GRM7: variants seen among roughly 807,000 people sequenced by gnomAD.
GRM7 encodes glutamate metabotropic receptor 7.
A neutral mutation model predicts 84.5 loss-of-function variants in GRM7; 35 were observed. The observed-to-expected ratio is 0.41, with a 90% CI of 0.32 to 0.55. GRM7 has a LOEUF of 0.55. Ranked by LOEUF, GRM7 falls within the 20% of genes least tolerant of loss-of-function variation. The pLI is 0.19. For synonymous variants in GRM7, 487 were observed against 455.1 expected, an observed-to-expected ratio of 1.07 and a Z score of -0.89; for missense variants, 1,003 against 1,194.6, an observed-to-expected ratio of 0.84 and a Z score of 2.36.
chr3:6,992,931 A>G (rs1300466204), intron 1 of GRM7, among the ~76,000 whole-genome samples: 3 of 152,238 alleles, frequency 2.0e-5, no homozygotes, highest in Non-Finnish European at 4.4e-5. Flanking sequence ...AAGATAGGAG[A>G]GAGACCTGAG....
rs183386190 is a variant in GRM7 at position 7,143,723 on chromosome 3, A to C, written c.520-2729A>C. Among the ~76,000 whole-genome samples the C allele has an allele frequency of 3.0e-4, 46 of 152,260 alleles. No individual in the cohort carries two copies. In the East Asian group the frequency reaches 6.0e-3, roughly 20 times the overall value. ...CAAATTCAAGGAGAGGGCTGGATGTATCTTTATTAGCACCCTTTCAAAGGT... is the reference window on the plus strand; with the variant it reads ...CAAATTCAAGGAGAGGGCTGGATGTCTCTTTATTAGCACCCTTTCAAAGGT... On this transcript the variant is annotated intron_variant, in intron 1 of 9. Coordinates refer to ENST00000357716, the MANE Select transcript of GRM7 (RefSeq NM_000844.4).
intron 1 of GRM7, among the ~76,000 whole-genome samples, chr3:6,954,644 A>G (rs1470733923): frequency 6.6e-6 from 1 of 152,176 alleles, no homozygotes; most frequent in East Asian, 1.9e-4. Context: ...GTGAGCTCCA[A>G]TTCAGAATTC....
rs1036219271 is a variant in GRM7, at chr3:6,903,093, T to C, written c.519+41186T>C. ...TATAATGCTTATAAGTCTTAACACA[T>C]TGTGCATCTTTATTTTGTTTTTAGG... On this transcript the variant is annotated intron_variant, in intron 1 of 9. Transcript: ENST00000357716. Among the ~76,000 whole-genome samples, 3 of 152,182 alleles carry C rather than the reference T, an allele frequency of 2.0e-5. No individual in the cohort carries two copies. The South Asian group carries it at 6.2e-4, about 32-fold the overall frequency.
chr3:7,345,770 T>C (rs1219929441), intron 4 of GRM7, among the ~76,000 whole-genome samples: 1 of 152,076 alleles, frequency 6.6e-6, no homozygotes, highest in Admixed American at 6.6e-5. Context: ...TCCTGTAGTC[T>C]TTGGGTAAAC....
At chr3:7,119,206 C>T (rs1693138833) in intron 1 of GRM7, among the ~76,000 whole-genome samples, 1 of 152,048 alleles carries the variant, frequency 6.6e-6, no homozygotes, top group African/African-American at 2.4e-5. Flanking sequence ...TTTTATTAAA[C>T]GTTCCTCAGT....
intron 5 of GRM7, among the ~76,000 whole-genome samples, chr3:7,437,946 T>C (rs1211233374): frequency 6.6e-6 from 1 of 151,584 alleles, no homozygotes; most frequent in Non-Finnish European, 1.5e-5. Flanking sequence ...AAAGAGGAAA[T>C]TAGAATATGC....
intron 1 of GRM7, among the ~76,000 whole-genome samples, chr3:6,912,703 A>G (rs914120867): frequency 6.6e-6 from 1 of 152,176 alleles, no homozygotes; most frequent in Admixed American, 6.6e-5. Context: ...TCTGGATTTA[A>G]AAAATCCCAC....
chr3:7,623,652 C>T (rs185713665), intron 8 of GRM7, among the ~76,000 whole-genome samples: 1 of 152,234 alleles, frequency 6.6e-6, no homozygotes, highest in East Asian at 1.9e-4. Flanking sequence ...GAAGCATCTC[C>T]TACAACCAGG....
intron 4 of GRM7, among the ~76,000 whole-genome samples, chr3:7,350,627 A>T (rs2125090652): frequency 6.6e-6 from 1 of 152,256 alleles, no homozygotes; most frequent in African/African-American, 2.4e-5. Context: ...GCAGTGTGAG[A>T]ATAGACTAAT....
At chr3:7,380,503 T>C (rs1464855989) in intron 4 of GRM7, among the ~76,000 whole-genome samples, 1 of 152,198 alleles carries the variant, frequency 6.6e-6, no homozygotes, top group African/African-American at 2.4e-5. Context: ...TCTGTACACA[T>C]TTATTCTCTC....
At chr3:7,444,876 T>C (rs915679793) in intron 5 of GRM7, among the ~76,000 whole-genome samples, 5 of 152,194 alleles carry the variant, frequency 3.3e-5, no homozygotes, top group Non-Finnish European at 7.3e-5. Context: ...CTAGACAGTT[T>C]TTCTCCTTTG....
intron 8 of GRM7, among the ~76,000 whole-genome samples, chr3:7,605,157 A>T (rs1322535227): frequency 6.6e-6 from 1 of 152,116 alleles, no homozygotes; most frequent in Non-Finnish European, 1.5e-5. Flanking sequence ...TTCTGATTCA[A>T]TCCTTTTCCT....
At chr3:7,089,020 C>T (rs1375034703) in intron 1 of GRM7, among the ~76,000 whole-genome samples, 1 of 152,072 alleles carries the variant, frequency 6.6e-6, no homozygotes, top group African/African-American at 2.4e-5. Context: ...AAGCAAATGT[C>T]GATTACCAAA....
chr3:6,908,998 T>C (rs2125014518), intron 1 of GRM7, among the ~76,000 whole-genome samples: 1 of 152,228 alleles, frequency 6.6e-6, no homozygotes, highest in East Asian at 1.9e-4. Context: ...TCAGTACCAT[T>C]CATCATCCAT....
chr3:7,040,756 C>T (rs1028947710), intron 1 of GRM7, among the ~76,000 whole-genome samples: 3 of 151,994 alleles, frequency 2.0e-5, no homozygotes, highest in Non-Finnish European at 2.9e-5. Flanking sequence ...AGGTGCCACT[C>T]CAAGTTCCTG....
intron 1 of GRM7, among the ~76,000 whole-genome samples, chr3:7,140,572 T>C (rs182236646): frequency 3.9e-5 from 6 of 152,158 alleles, no homozygotes. Context: ...GAAATTGTGT[T>C]AATGTGCTGT....
intron 7 of GRM7, among the ~76,000 whole-genome samples, chr3:7,553,766 G>A (rs1392954505): frequency 2.0e-5 from 3 of 152,114 alleles, no homozygotes; most frequent in Non-Finnish European, 2.9e-5. Context: ...CCTCCACCTG[G>A]TCTCTCCCTT....
chr3:7,676,575 C>T (rs958581258), intron 8 of GRM7, among the ~76,000 whole-genome samples: 6 of 87,388 alleles, frequency 6.9e-5, no homozygotes, highest in Non-Finnish European at 2.0e-5. Flanking sequence ...TCTCTTGGCT[C>T]AGCCTCCTGA....
intron 2 of GRM7, among the ~76,000 whole-genome samples, chr3:7,241,802 T>C (rs1697568673): frequency 6.6e-6 from 1 of 152,096 alleles, no homozygotes; most frequent in Admixed American, 6.6e-5. Context: ...CATCTCCAGG[T>C]TTTTATTTGT....
Sources: allele counts gnomAD v4.1 joint callset (sites outside exome capture counted in the v4.1 genomes callset), GRCh38; gene constraint gnomAD v4.1.1; transcripts MANE v1.5; gene names NCBI Gene and HGNC (gene_info 2026-07-23, HGNC 2026-07-21).